The following SLC27A1 variants were observed in gnomAD, a reference collection of about 807,000 sequenced individuals.
SLC27A1 encodes long-chain fatty acid transport protein 1.
A neutral mutation model predicts 62.2 loss-of-function variants in SLC27A1; 61 were observed. The observed-to-expected ratio is 0.98, with a 90% CI of 0.80 to 1.21. The LOEUF (loss-of-function observed/expected upper bound fraction) is 1.21, where lower values mean the gene tolerates loss of function less well. SLC27A1 is among the 50% of genes most tolerant of loss of function. The probability of loss-of-function intolerance (pLI) is 0.00; values close to 1 mark genes in which losing one functional copy is unlikely to be tolerated. For missense variants in SLC27A1, 903 were observed against 932.1 expected, an observed-to-expected ratio of 0.97 and a Z score of 0.41; for synonymous variants, 435 against 408.6, an observed-to-expected ratio of 1.06 and a Z score of -0.78.
chr19:17,483,171 G>A (rs1171312287), intron 1 of SLC27A1, among the ~76,000 whole-genome samples: 2 of 151,984 alleles, frequency 1.3e-5, no homozygotes, highest in African/African-American at 2.4e-5. Context: ...ATGAATGAGG[G>A]AGAAATAGAC....
Position 17,504,594 on chromosome 19 carries a change from G to C in SLC27A1, c.1923G>C (p.Ser641=), listed in dbSNP as rs565994088. 14 of 1,614,022 alleles carry C rather than the reference G, an allele frequency of 8.7e-6. No individual in the cohort carries two copies. Among genetic ancestry groups the C allele is most frequent in the Non-Finnish European group, 1.1e-5 (13 of 1,180,044 alleles). ...LNEAVYTRIC[S]GAFAL The stretch of plus-strand genomic sequence containing the variant: ...AGGCAGTCTACACTCGCATCTGCTC[G>C]GGCGCCTTCGCCCTCTGAAGCTGTT... Residue 641 remains serine (S), a synonymous_variant, in exon 12 of 12, where the codon TCG becomes TCC. Transcript: ENST00000252595.
chr19:17,496,390 G>C (rs1438938489), intron 6 of SLC27A1: 1 of 126,012 alleles, frequency 7.9e-6, no homozygotes, highest in Non-Finnish European at 1.8e-5. Flanking sequence ...GGAAGCTCTT[G>C]CGGGGCTTGA....
At position 17,493,464 on chromosome 19, in the gene SLC27A1, T is replaced by C. The variant is rs114105594; in HGVS notation, c.997-3791T>C. 3.5e-3 allele frequency among the ~76,000 whole-genome samples: 501 copies of C among 145,138 alleles called. 3 individuals are homozygous for C. Among genetic ancestry groups the C allele is most frequent in the Middle Eastern group, 0.018 (5 of 282 alleles). On this transcript the variant is annotated intron_variant, in intron 6 of 11. Coordinates refer to ENST00000252595, the MANE Select transcript of SLC27A1 (RefSeq NM_198580.3). ...AAAAAAAAAAACAGGACAGAATCTC[T>C]AAAGGTGATGTTTAATAAGGACACA...
intron 1 of SLC27A1, among the ~76,000 whole-genome samples, chr19:17,477,240 C>CTTTTTTGTTTTTTTTTTTTTTT (rs2075132439): frequency 2.3e-5 from 1 of 43,808 alleles, no homozygotes; most frequent in Non-Finnish European, 4.0e-5. Flanking sequence ...ATGAGCAGCG[C>CTTTTTTGTTTTTTTTTTTTTTT]TTTTTTTTTT....
chr19:17,497,159 A>G, intron 6 of SLC27A1, 96 bp from the exon 7 acceptor site: 1 of 921,304 alleles, frequency 1.1e-6, no homozygotes, highest in African/African-American at 1.8e-5. Flanking sequence ...TCATAGGATT[A>G]GCTCCCTGGG....
chr19:17,469,646 T>C (rs2075053745), upstream of SLC27A1, among the ~76,000 whole-genome samples: 1 of 152,092 alleles, frequency 6.6e-6, no homozygotes, highest in Admixed American at 6.6e-5. Flanking sequence ...TGGTCGTGGC[T>C]TCTGGAAGAC....
chr19:17,477,063 A>G (rs952826500), intron 1 of SLC27A1, among the ~76,000 whole-genome samples: 1 of 151,114 alleles, frequency 6.6e-6, no homozygotes, highest in African/African-American at 2.4e-5. Context: ...TAATTTTTGT[A>G]TTTTTAGTAG....
chr19:17,501,537 C>G, intron 11 of SLC27A1, 118 bp downstream of exon 11: 1 of 1,396,904 alleles, frequency 7.2e-7, no homozygotes, highest in Non-Finnish European at 9.7e-7. Flanking sequence ...GGCACGGTGG[C>G]TCACGCCTGT....
chr19:17,487,131 G>A (rs1433584885), intron 2 of SLC27A1, 43 bp from the exon 3 acceptor site: 1 of 1,612,354 alleles, frequency 6.2e-7, no homozygotes, highest in Non-Finnish European at 8.5e-7. Flanking sequence ...TCGGGAGGGG[G>A]CCTGTCCGGC....
At chr19:17,500,001 C>A in intron 7 of SLC27A1, 1 of 497,128 alleles carries the variant, frequency 2.0e-6, no homozygotes, top group South Asian at 2.5e-5. Flanking sequence ...CACACAGAGG[C>A]ATCTACTTCC....
intron 6 of SLC27A1, chr19:17,491,177 G>C (rs2075290460): frequency 2.0e-5 from 3 of 151,928 alleles, no homozygotes; most frequent in Admixed American, 2.0e-4. Context: ...CTCCAGTCTG[G>C]GTGACAGAGT....
chr19:17,483,838 T>A (rs2075203282), intron 1 of SLC27A1: 1 of 152,870 alleles, frequency 6.5e-6, no homozygotes, highest in Admixed American at 6.5e-5. Flanking sequence ...TTGCACTGGC[T>A]GCATTCCGGA....
chr19:17,488,558 GCT>G (rs2144582237), intron 4 of SLC27A1, among the ~76,000 whole-genome samples: 2 of 152,162 alleles, frequency 1.3e-5, no homozygotes, highest in East Asian at 3.9e-4. Flanking sequence ...CGCCCCCACA[GCT>G]CTTTCTTGCT....
At chr19:17,489,497 CTT>C (rs1555745358) in intron 6 of SLC27A1, among the ~76,000 whole-genome samples, 1 of 151,888 alleles carries the variant, frequency 6.6e-6, no homozygotes, top group African/African-American at 2.4e-5. Flanking sequence ...AATCCTATAA[CTT>C]TGGAGGGTGG....
intron 7 of SLC27A1, chr19:17,499,922 T>A (rs1010106081): frequency 3.9e-6 from 1 of 256,294 alleles, no homozygotes; most frequent in Non-Finnish European, 7.5e-6. Context: ...TTTCTGTTCA[T>A]AGAACCATGC....
rs779451626 is a variant in SLC27A1, at chr19:17,497,207, C to T, written c.997-48C>T. 16 of 1,523,216 alleles carry T rather than the reference C, an allele frequency of 1.1e-5. No homozygotes were observed. The East Asian group carries it at 3.4e-4, about 33-fold the overall frequency. 94.4% of individuals were successfully genotyped at this position (1,523,216 alleles called of 1,614,324 possible). On this transcript the variant is annotated intron_variant, in intron 6 of 11. Coordinates refer to ENST00000252595, the MANE Select transcript of SLC27A1 (RefSeq NM_198580.3). ...GGGGTCTCTCCTCTGATCCGGGCTC[C>T]CCACCGCCTGCCGGTCCCATCACCC...
rs146648981 is a variant in SLC27A1 at position 17,487,182 on chromosome 19, G to C, written c.571G>C (p.Glu191Gln). The change falls in exon 3 of 12, where the codon GAA becomes CAA. Residue 191 changes from glutamate to glutamine, a missense_variant. Coordinates refer to ENST00000252595, the MANE Select transcript of SLC27A1 (RefSeq NM_198580.3). ...FGGEMVAAVA[E>Q]VSGHLGKSLI... ...TGTGTTGGGGACCACAGCGGTGGCC[G>C]AAGTGAGCGGGCATCTGGGGAAAAG... 2.7e-5 allele frequency: 43 copies of C among 1,613,964 alleles called. No individual in the cohort carries two copies. Among genetic ancestry groups the C allele is most frequent in the Admixed American group, 5.0e-5 (3 of 59,994 alleles).
Position 17,489,303 on chromosome 19 carries a change from C to T in SLC27A1, c.996+186C>T, listed in dbSNP as rs565418601. ...CCGACCAGGCTCTATTCCCTTAACTCCCTTATGTGCGCCCTCCTGTCCACC... is the reference window on the plus strand; with the variant it reads ...CCGACCAGGCTCTATTCCCTTAACTTCCTTATGTGCGCCCTCCTGTCCACC... On this transcript the variant is annotated intron_variant, in intron 6 of 11. Transcript: ENST00000252595. 2.4e-3 allele frequency among the ~76,000 whole-genome samples: 366 copies of T among 152,214 alleles called. 4 individuals are homozygous for T. The highest frequency in any genetic ancestry group is 7.6e-3 in the African/African-American group (317 of 41,538).
In SLC27A1 at chr19:17,489,034, C is replaced by T; in HGVS notation, c.913C>T (p.Leu305Phe). 1 of 1,614,124 alleles carries T rather than the reference C, an allele frequency of 6.2e-7. No homozygotes were observed. The highest frequency in any genetic ancestry group is 8.5e-7 in the Non-Finnish European group (1 of 1,180,022). The change falls in exon 6 of 12, where the codon CTC (leucine) becomes TTC (phenylalanine). Residue 305 changes from leucine (L) to phenylalanine (F), a missense_variant. By Grantham distance (22) the Leu-to-Phe change is conservative. Transcript: ENST00000252595. ...AAACATCATCGGCGTGGGGCAGTGTCTCATCTATGGGCTGACAGTCGTCCT... is the reference window on the plus strand; with the variant it reads ...AAACATCATCGGCGTGGGGCAGTGTTTCATCTATGGGCTGACAGTCGTCCT... ...AGNIIGVGQCLIYGLTVVLRK... is the reference protein window; with the variant it reads ...AGNIIGVGQCFIYGLTVVLRK...
Sources: gnomAD v4.1 joint callset for allele counts (sites outside exome capture counted in the v4.1 genomes callset) on GRCh38, gnomAD v4.1.1 for gene constraint, MANE v1.5 for transcripts, NCBI Gene and HGNC (gene_info 2026-07-23, HGNC 2026-07-21) for gene names.